Variants in TF observed in about 807,000 individuals in gnomAD.
TF encodes serotransferrin.
Under a neutral mutation model 82.4 loss-of-function variants are expected in TF, and 55 were observed. The observed-to-expected ratio is 0.67, with a 90% CI of 0.54 to 0.84. The LOEUF (loss-of-function observed/expected upper bound fraction) is 0.84, where lower values mean the gene tolerates loss of function less well. Ranked by LOEUF, TF falls within the 40% of genes least tolerant of loss-of-function variation. The pLI is 0.00. For missense variants in TF, 737 were observed against 868.4 expected (o/e 0.85, Z 1.90); for synonymous variants, 332 against 332.6 (o/e 1.00, Z 0.02).
In TF at chr3:133,788,822, A is replaced by T. The variant is rs1250949259; in HGVS notation, c.*10202A>T. 2.0e-5 allele frequency: 3 copies of T among 152,278 alleles called. No individual in the cohort carries two copies. The East Asian group carries it at 5.8e-4, about 29-fold the overall frequency. The allele number at this position is 152,278 out of a possible 1,614,324, so 9.4% of individuals were successfully genotyped here. A position where few individuals can be genotyped will look rare whatever the true frequency, so the allele number is the denominator to read the frequency against. On this transcript the variant is annotated 3_prime_UTR_variant, in exon 17 of 17. Transcript: ENST00000402696. ...AACTTGCAGCTCAGGGTGAACTTGC[A>T]TGTGTTTCAGGCGACGGAAACCCTA...
At chr3:133,768,248 G>T (rs1576365018) in intron 13 of TF, 84 bp downstream of exon 13, 1 of 1,555,572 alleles carries the variant, frequency 6.4e-7, no homozygotes, top group South Asian at 1.1e-5. Context: ...AGATTCTTAG[G>T]TTCCTATTCC....
At chr3:133,665,088 A>C in the TF span, 1 of 152,134 alleles carries the variant, frequency 6.6e-6, no homozygotes, top group Non-Finnish European at 1.5e-5. Flanking sequence ...CCCAGGCTGG[A>C]GGATCACTTG....
chr3:133,757,995 G>A (rs777423780), intron 8 of TF, 49 bp downstream of exon 8: 3 of 1,592,370 alleles, frequency 1.9e-6, no homozygotes, highest in Non-Finnish European at 2.6e-6. Context: ...GGGAAACCTG[G>A]TGAGCACAGG....
the TF span, among the ~76,000 whole-genome samples, chr3:133,681,678 T>G: frequency 6.6e-6 from 1 of 152,072 alleles, no homozygotes. Context: ...TGCTGAGGCT[T>G]GAGTAGGTAA....
At chr3:133,723,644 T>TTATTAC in the TF span, among the ~76,000 whole-genome samples, 33 of 145,988 alleles carry the variant, frequency 2.3e-4, no homozygotes, top group African/African-American at 5.5e-4. Flanking sequence ...TCTTTTATTA[T>TTATTAC]TATTATTATT....
chr3:133,768,200 T>C (rs1322843375), intron 13 of TF, 36 bp downstream of exon 13: 6 of 1,613,366 alleles, frequency 3.7e-6, no homozygotes, highest in Non-Finnish European at 5.1e-6. Context: ...TAGAATAATA[T>C]ACAAGCCCTG....
chr3:133,779,971 C>T lies in TF; in HGVS notation c.*1351C>T, dbSNP rs561238360. On this transcript the variant is annotated 3_prime_UTR_variant, in exon 17 of 17. Coordinates refer to ENST00000402696, the MANE Select transcript of TF (RefSeq NM_001063.4). ...CCATTTTCCCTCACACTACATCCAG[C>T]GTCACCAAGTTCTGTTGATTTTGCT... The T allele has an allele frequency of 2.6e-5, 4 of 152,336 alleles. No homozygotes were observed. Among genetic ancestry groups the T allele is most frequent in the East Asian group, 1.9e-4 (1 of 5,192 alleles). 9.4% of individuals were successfully genotyped at this position (152,336 alleles called of 1,614,324 possible).
the TF span, among the ~76,000 whole-genome samples, chr3:133,684,416 CT>C: frequency 0.03 from 4,561 of 152,176 alleles, 119 homozygotes; most frequent in African/African-American, 0.072. Flanking sequence ...AATCCAGGAG[CT>C]GGTTTTTTGA....
At chr3:133,744,062 A>G (rs1933444478), upstream of TF, among the ~76,000 whole-genome samples, 1 of 152,124 alleles carries the variant, frequency 6.6e-6, no homozygotes, top group Non-Finnish European at 1.5e-5. Flanking sequence ...TTCATATCCC[A>G]TGAGGCTGTA....
intron 1 of TF, 90 bp from the exon 2 acceptor site, chr3:133,748,322 G>T: frequency 2.7e-6 from 4 of 1,483,148 alleles, no homozygotes; most frequent in Non-Finnish European, 3.7e-6. Context: ...GGACTGAGGG[G>T]ATGTGGCTGT....
the TF span, among the ~76,000 whole-genome samples, chr3:133,711,208 C>A: frequency 1.3e-5 from 2 of 152,156 alleles, no homozygotes; most frequent in Non-Finnish European, 2.9e-5. Flanking sequence ...ATGCCCACAG[C>A]CTCAATTGCC....
rs2692666 is a variant in TF at position 133,759,510 on chromosome 3, G to A, written c.1203+181G>A. Among the ~76,000 whole-genome samples, 568 of 152,304 alleles carry A rather than the reference G, an allele frequency of 3.7e-3. 12 individuals carry two copies. The highest frequency in any genetic ancestry group is 0.034 in the Admixed American group (513 of 15,308). ...AATCTTTGAGCTTGTGGATCTGAAG[G>A]GTGCCCACAGGGCTCAGTTTCCTCC... On this transcript the variant is annotated intron_variant, in intron 9 of 16. Coordinates refer to ENST00000402696, the MANE Select transcript of TF (RefSeq NM_001063.4).
the TF span, among the ~76,000 whole-genome samples, chr3:133,728,560 T>G: frequency 7.2e-5 from 11 of 152,208 alleles, no homozygotes; most frequent in African/African-American, 2.4e-4. Context: ...TTCGTCTAAA[T>G]TTTTTTCAAA....
chr3:133,696,535 A>G, the TF span, among the ~76,000 whole-genome samples: 7 of 152,218 alleles, frequency 4.6e-5, no homozygotes, highest in Non-Finnish European at 1.0e-4. Flanking sequence ...CTATAAATCT[A>G]CTAAACAAAT....
chr3:133,662,639 A>T, the TF span, among the ~76,000 whole-genome samples: 1 of 150,514 alleles, frequency 6.6e-6, no homozygotes, highest in African/African-American at 2.5e-5. Flanking sequence ...TAAGATTCAG[A>T]TGGCAGAGAG....
At chr3:133,723,244 T>C in the TF span, among the ~76,000 whole-genome samples, 1 of 152,198 alleles carries the variant, frequency 6.6e-6, no homozygotes, top group Non-Finnish European at 1.5e-5. Context: ...GATTATAATG[T>C]TCCTCAGAGA....
the TF span, among the ~76,000 whole-genome samples, chr3:133,724,826 C>G: frequency 2.0e-5 from 3 of 152,022 alleles, no homozygotes; most frequent in African/African-American, 7.2e-5. Flanking sequence ...TTGAATTAAT[C>G]TTTGTATAAG....
At chr3:133,724,105 G>T in the TF span, among the ~76,000 whole-genome samples, 1 of 152,064 alleles carries the variant, frequency 6.6e-6, no homozygotes, top group African/African-American at 2.4e-5. Context: ...AAATAGTGCC[G>T]CAATAAATAT....
the TF span, among the ~76,000 whole-genome samples, chr3:133,664,719 T>C: frequency 6.6e-6 from 1 of 152,236 alleles, no homozygotes; most frequent in African/African-American, 2.4e-5. Flanking sequence ...AAATTTTGTT[T>C]TTTTATTGTT....
Sources: gnomAD v4.1 joint callset for allele counts (sites outside exome capture counted in the v4.1 genomes callset) on GRCh38, gnomAD v4.1.1 for gene constraint, MANE v1.5 for transcripts, NCBI Gene and HGNC (gene_info 2026-07-23, HGNC 2026-07-21) for gene names.